The following ZNF609 variants were observed in gnomAD, a reference collection of about 807,000 sequenced individuals.
The protein encoded by ZNF609 is zinc finger protein 609.
A neutral mutation model predicts 109.5 loss-of-function variants in ZNF609; 11 were observed. The observed-to-expected ratio is 0.10, with a 90% CI of 0.06 to 0.17. The LOEUF (loss-of-function observed/expected upper bound fraction) is 0.17, where lower values mean the gene tolerates loss of function less well. Ranked by LOEUF, ZNF609 falls within the 10% of genes least tolerant of loss-of-function variation. The pLI, the probability that ZNF609 is intolerant of heterozygous loss-of-function variation, is 1.00. For missense variants in ZNF609, 1,559 were observed against 1,772.4 expected (o/e 0.88, Z 2.16); for synonymous variants, 646 against 662.0 (o/e 0.98, Z 0.37).
chr15:64,556,612 C>T (rs1340678532), intron 2 of ZNF609, among the ~76,000 whole-genome samples: 4 of 152,100 alleles, frequency 2.6e-5, no homozygotes, highest in African/African-American at 9.7e-5. Flanking sequence ...GAAATTATTG[C>T]CCTTCCCTCC....
chr15:64,671,026 A>T (rs1896719222), intron 4 of ZNF609, among the ~76,000 whole-genome samples: 1 of 151,588 alleles, frequency 6.6e-6, no homozygotes, highest in Non-Finnish European at 1.5e-5. Context: ...TGGCTAACAC[A>T]GTGAAACCCC....
intron 3 of ZNF609, among the ~76,000 whole-genome samples, chr15:64,635,137 C>T (rs1293912713): frequency 6.6e-6 from 1 of 152,160 alleles, no homozygotes; most frequent in African/African-American, 2.4e-5. Context: ...CACACCTCCT[C>T]CCTCCCCCAA....
intron 3 of ZNF609, chr15:64,631,351 C>G (rs981459333): frequency 1.4e-6 from 1 of 717,122 alleles, no homozygotes; most frequent in Non-Finnish European, 2.6e-6. Context: ...AAGAATCTTG[C>G]CCTTGTTTGT....
intron 2 of ZNF609, among the ~76,000 whole-genome samples, chr15:64,600,241 G>T (rs571697928): frequency 1.3e-5 from 2 of 152,116 alleles, no homozygotes; most frequent in East Asian, 3.9e-4. Context: ...ACGAGGTCAG[G>T]AGATCGAGAC....
chr15:64,594,656 G>C (rs1286415492), intron 2 of ZNF609, among the ~76,000 whole-genome samples: 1 of 151,480 alleles, frequency 6.6e-6, no homozygotes, highest in Non-Finnish European at 1.5e-5. Context: ...TAAAGATTTT[G>C]AGGGCCATTG....
chr15:64,578,781 G>A (rs923305335), intron 2 of ZNF609, among the ~76,000 whole-genome samples: 6 of 152,150 alleles, frequency 3.9e-5, no homozygotes, highest in African/African-American at 9.7e-5. Context: ...CATGGATTGC[G>A]TGAGCTCAGG....
chr15:64,616,514 C>CTTTT (rs56145140), intron 2 of ZNF609, among the ~76,000 whole-genome samples: 16 of 66,940 alleles, frequency 2.4e-4, no homozygotes, highest in East Asian at 5.6e-4. Flanking sequence ...AAACTGATAT[C>CTTTT]TTTTTTTTTT....
chr15:64,648,592 T>G (rs900550740), intron 3 of ZNF609, among the ~76,000 whole-genome samples: 1 of 152,118 alleles, frequency 6.6e-6, no homozygotes, highest in Admixed American at 6.6e-5. Context: ...TGGAACAGAT[T>G]GCTCTGAGTT....
At chr15:64,471,329 C>A (rs1054497858) in intron 1 of ZNF609, 2 of 151,410 alleles carry the variant, frequency 1.3e-5, no homozygotes, top group Admixed American at 1.3e-4. Context: ...CCCCTGTACT[C>A]TAGCCTGGGT....
At chr15:64,473,098 G>A (rs912217220) in intron 1 of ZNF609, among the ~76,000 whole-genome samples, 2 of 150,078 alleles carry the variant, frequency 1.3e-5, no homozygotes, top group African/African-American at 2.5e-5. Context: ...TGTACTTCCC[G>A]TTCATAATTT....
chr15:64,564,485 G>A (rs1304383303), intron 2 of ZNF609, among the ~76,000 whole-genome samples: 1 of 152,164 alleles, frequency 6.6e-6, no homozygotes, highest in Non-Finnish European at 1.5e-5. Context: ...ACATTTAGAA[G>A]TTGAGAGCAA....
chr15:64,681,528 G>C, intron 9 of ZNF609, 141 bp downstream of exon 9: 4 of 707,142 alleles, frequency 5.7e-6, no homozygotes, highest in Non-Finnish European at 9.7e-6. Context: ...TCTTGTACAA[G>C]AGTCTCCCGT....
At chr15:64,581,242 T>G (rs929170980) in intron 2 of ZNF609, among the ~76,000 whole-genome samples, 8 of 152,088 alleles carry the variant, frequency 5.3e-5, no homozygotes, top group African/African-American at 1.4e-4. Context: ...GGTGAGAGTT[T>G]AGGGCCTTCT....
At chr15:64,650,992 G>A (rs1486153373) in intron 3 of ZNF609, among the ~76,000 whole-genome samples, 5 of 152,010 alleles carry the variant, frequency 3.3e-5, no homozygotes, top group Admixed American at 3.3e-4. Flanking sequence ...GAAAAAGTCT[G>A]GATTTATAAG....
intron 2 of ZNF609, among the ~76,000 whole-genome samples, chr15:64,590,909 T>G (rs979163709): frequency 2.6e-5 from 4 of 152,108 alleles, no homozygotes; most frequent in African/African-American, 9.7e-5. Context: ...GTAGAAAACT[T>G]TGTACATTTC....
chr15:64,680,981 A>ATT (rs796962997), intron 8 of ZNF609, 119 bp downstream of exon 8: 154 of 931,300 alleles, frequency 1.7e-4, no homozygotes, highest in Non-Finnish European at 1.8e-4. Flanking sequence ...TCCTTTTTTA[A>ATT]TTTTTTTTTT....
In ZNF609 at chr15:64,675,717, A is replaced by AGTC; in HGVS notation, c.2864_2866dup (p.Ser955_Gln956insArg). On this transcript the variant is annotated inframe_insertion, in exon 5 of 10. Transcript: ENST00000326648. ...AAAGAAGCCCGAGCTGAGCAGTTCC[A>AGTC]GTCAGCAGCCCTCGGTCATCCAGCA... 6.2e-7 allele frequency: 1 copy of AGTC among 1,614,214 alleles called. No homozygotes were observed. Among genetic ancestry groups the AGTC allele is most frequent in the Non-Finnish European group, 8.5e-7 (1 of 1,180,052 alleles).
At chr15:64,645,032 T>TTC (rs1896312581) in intron 3 of ZNF609, among the ~76,000 whole-genome samples, 1 of 130,550 alleles carries the variant, frequency 7.7e-6, no homozygotes, top group African/African-American at 3.0e-5. Context: ...TTCCTTCCTT[T>TTC]CTTCCTTCCT....
chr15:64,528,381 T>TTTA (rs200965877), intron 2 of ZNF609, among the ~76,000 whole-genome samples: 2,115 of 150,032 alleles, frequency 0.014, 27 homozygotes, highest in African/African-American at 0.035. Context: ...TTTAAAAAAA[T>TTTA]TTATTATTAT....
Sources: gnomAD v4.1 joint callset for allele counts (sites outside exome capture counted in the v4.1 genomes callset) on GRCh38, gnomAD v4.1.1 for gene constraint, MANE v1.5 for transcripts, NCBI Gene and HGNC (gene_info 2026-07-23, HGNC 2026-07-21) for gene names.